The following SYT9 variants were observed in gnomAD, a reference collection of about 807,000 sequenced individuals.
SYT9 encodes the protein synaptotagmin 9.
In SYT9, 22 loss-of-function variants were observed where a neutral mutation model predicts 48.4. The observed-to-expected ratio is 0.45, with a 90% CI of 0.32 to 0.65. The LOEUF is 0.65. Among genes scored for constraint, SYT9 ranks in the 30% least tolerant of loss-of-function variants. The pLI is 0.03. For missense variants in SYT9, 577 were observed against 622.0 expected, an observed-to-expected ratio of 0.93 and a Z score of 0.77; for synonymous variants, 265 against 245.0, an observed-to-expected ratio of 1.08 and a Z score of -0.76.
intron 3 of SYT9, among the ~76,000 whole-genome samples, chr11:7,357,250 A>G (rs1589969064): frequency 6.6e-6 from 1 of 152,172 alleles, no homozygotes; most frequent in Non-Finnish European, 1.5e-5. Context: ...TCCTATTTGC[A>G]TCTAAAAAAT....
chr11:7,468,345 A>G lies in SYT9; in HGVS notation c.*1545A>G, dbSNP rs1183215973. 5 of 398,406 alleles carry G rather than the reference A, an allele frequency of 1.3e-5. No individual in the cohort carries two copies. Among genetic ancestry groups the G allele is most frequent in the Admixed American group, 8.8e-5 (2 of 22,722 alleles). The allele number at this position is 398,406 out of a possible 1,614,324, so 24.7% of individuals were successfully genotyped here. On this transcript the variant is annotated 3_prime_UTR_variant, in exon 7 of 7. Transcript: ENST00000318881. ...CTTTGATGGCAGATCTAAGAAGGCT[A>G]TAGGCCTTTGTTTGTAGGAAGCAGT...
chr11:7,417,344 AGCAGAGGC>A, intron 4 of SYT9, among the ~76,000 whole-genome samples: 1 of 152,264 alleles, frequency 6.6e-6, no homozygotes, highest in Middle Eastern at 3.4e-3. Flanking sequence ...CCCTATCTGG[AGCAGAGGC>A]CAGCCTTGCC....
intron 1 of SYT9, among the ~76,000 whole-genome samples, chr11:7,288,315 C>T (rs1251304080): frequency 1.3e-5 from 2 of 151,560 alleles, no homozygotes; most frequent in African/African-American, 2.4e-5. Context: ...CTTCATCTAC[C>T]TTCCCCTTCC....
intron 3 of SYT9, among the ~76,000 whole-genome samples, chr11:7,370,805 G>C (rs1219596686): frequency 6.6e-6 from 1 of 152,140 alleles, no homozygotes; most frequent in Non-Finnish European, 1.5e-5. Context: ...CTTACAATAA[G>C]CATGTTGACT....
chr11:7,466,274 T>A (rs1236466723), intron 6 of SYT9, among the ~76,000 whole-genome samples: 1 of 152,194 alleles, frequency 6.6e-6, no homozygotes, highest in Non-Finnish European at 1.5e-5. Context: ...AGTTACTTTC[T>A]CCCTTCCCAT....
At chr11:7,281,255 G>A (rs1203832984) in intron 1 of SYT9, among the ~76,000 whole-genome samples, 1 of 152,208 alleles carries the variant, frequency 6.6e-6, no homozygotes, top group African/African-American at 2.4e-5. Context: ...ACAATGAGAG[G>A]AATTCCTAAA....
At chr11:7,361,490 A>G (rs1471205149) in intron 3 of SYT9, among the ~76,000 whole-genome samples, 4 of 152,204 alleles carry the variant, frequency 2.6e-5, no homozygotes, top group Non-Finnish European at 4.4e-5. Context: ...CCTTAAAAAA[A>G]TTATTCTCTC....
intron 1 of SYT9, among the ~76,000 whole-genome samples, chr11:7,291,579 C>A (rs1376507395): frequency 6.6e-6 from 1 of 152,152 alleles, no homozygotes; most frequent in Non-Finnish European, 1.5e-5. Flanking sequence ...CTTTCAAGAA[C>A]TATGAGAAGG....
chr11:7,379,404 T>C (rs921667322), intron 3 of SYT9, among the ~76,000 whole-genome samples: 2 of 152,140 alleles, frequency 1.3e-5, no homozygotes, highest in Non-Finnish European at 2.9e-5. Flanking sequence ...GATGCTGAAT[T>C]AAGCATTATT....
chr11:7,279,099 T>C (rs570559555), intron 1 of SYT9, among the ~76,000 whole-genome samples: 82 of 152,164 alleles, frequency 5.4e-4, no homozygotes, highest in Non-Finnish European at 7.2e-4. Context: ...GCAGATAAAG[T>C]TGGGGAGCTG....
chr11:7,438,696 T>C (rs1345515443), intron 6 of SYT9: 1 of 152,240 alleles, frequency 6.6e-6, no homozygotes, highest in Non-Finnish European at 1.5e-5. Context: ...CCAAGCCTTG[T>C]TCCTATTCTT....
chr11:7,386,999 G>C (rs570550110), intron 3 of SYT9, among the ~76,000 whole-genome samples: 4 of 152,216 alleles, frequency 2.6e-5, no homozygotes, highest in African/African-American at 9.6e-5. Context: ...TCCTTTGTAG[G>C]GACATGGATG....
intron 3 of SYT9, among the ~76,000 whole-genome samples, chr11:7,329,687 C>G (rs1013015417): frequency 6.6e-6 from 1 of 152,198 alleles, no homozygotes; most frequent in Non-Finnish European, 1.5e-5. Context: ...GTAATGAAAG[C>G]ATATTTTTAG....
At position 7,443,294 on chromosome 11, in the gene SYT9, A is replaced by G. The variant is rs145687278; in HGVS notation, c.1467+22659A>G. Among the ~76,000 whole-genome samples the G allele has an allele frequency of 4.4e-3, 674 of 152,344 alleles. 3 individuals are homozygous for G. Among genetic ancestry groups the G allele is most frequent in the African/African-American group, 0.01 (417 of 41,574 alleles). On this transcript the variant is annotated intron_variant, in intron 6 of 6. Transcript: ENST00000318881. ...GGTCCCATCCCCCACAGAATTTACA[A>G]TCTGGCTGAGGAAATAGACATAAGA...
intron 2 of SYT9, among the ~76,000 whole-genome samples, chr11:7,310,068 T>C (rs1849103249): frequency 6.6e-6 from 1 of 152,264 alleles, no homozygotes; most frequent in Admixed American, 6.5e-5. Flanking sequence ...AATTATCATG[T>C]AAAATGTTTC....
chr11:7,351,921 A>G (rs1007021979), intron 3 of SYT9, among the ~76,000 whole-genome samples: 2 of 152,076 alleles, frequency 1.3e-5, no homozygotes, highest in Non-Finnish European at 2.9e-5. Flanking sequence ...TGGCTTGCAA[A>G]TGTGTTTTCC....
In SYT9 at chr11:7,314,006, T is replaced by C. The variant is rs1008536119; in HGVS notation, c.1044+65T>C. On this transcript the variant is annotated intron_variant, in intron 3 of 6. Coordinates refer to ENST00000318881, the MANE Select transcript of SYT9 (RefSeq NM_175733.4). ...CTTGGTTAGCAAGGAAACAGATTAC[T>C]TACACATTATCTTGAGGACAAAGTG... The C allele has an allele frequency of 5.9e-6, 9 of 1,527,848 alleles. No individual in the cohort carries two copies. The African/African-American group carries it at 1.2e-4, about 21-fold the overall frequency. The allele number at this position is 1,527,848 out of a possible 1,614,324, so 94.6% of individuals were successfully genotyped here. A position where few individuals can be genotyped will look rare whatever the true frequency, so the allele number is the denominator to read the frequency against.
intron 2 of SYT9, among the ~76,000 whole-genome samples, chr11:7,307,867 G>A (rs1363816795): frequency 6.6e-6 from 1 of 152,242 alleles, no homozygotes; most frequent in Non-Finnish European, 1.5e-5. Context: ...TTTCAAATCC[G>A]TTTAACTTTG....
chr11:7,294,245 G>C (rs778877241), intron 1 of SYT9, among the ~76,000 whole-genome samples: 10 of 152,062 alleles, frequency 6.6e-5, no homozygotes, highest in Non-Finnish European at 1.2e-4. Context: ...TATGAATTTG[G>C]GGGGGACACA....
Sources: gnomAD v4.1 joint callset for allele counts (sites outside exome capture counted in the v4.1 genomes callset) on GRCh38, gnomAD v4.1.1 for gene constraint, MANE v1.5 for transcripts, NCBI Gene and HGNC (gene_info 2026-07-23, HGNC 2026-07-21) for gene names.